The following TNS1 variants were observed in gnomAD, a reference collection of about 807,000 sequenced individuals.
TNS1 encodes the protein tensin 1, also known as tensin-1.
A neutral mutation model predicts 168.6 loss-of-function variants in TNS1; 62 were observed. The observed-to-expected ratio is 0.37, with a 90% CI of 0.30 to 0.45. TNS1 has a LOEUF of 0.45. TNS1 is among the 20% of genes least tolerant of loss of function. The pLI is 1.00. For synonymous variants in TNS1, 934 were observed against 933.2 expected (o/e 1.00, Z -0.02); for missense variants, 2,240 against 2,339.4 (o/e 0.96, Z 0.88).
intron 3 of TNS1, among the ~76,000 whole-genome samples, chr2:217,967,681 C>G (rs537313069): frequency 6.6e-6 from 1 of 152,124 alleles, no homozygotes; most frequent in East Asian, 1.9e-4. Context: ...AAAAACTACA[C>G]GCAAAGAAAA....
At chr2:217,978,609 G>T (rs1957952941) in intron 3 of TNS1, 156 bp downstream of exon 3, 1 of 236,552 alleles carries the variant, frequency 4.2e-6, no homozygotes, top group African/African-American at 2.7e-5. Flanking sequence ...CTTGACCTGC[G>T]CCCGCTCCCA....
At chr2:217,810,451 G>T in intron 28 of TNS1, 132 bp from the exon 29 acceptor site, 2 of 806,860 alleles carry the variant, frequency 2.5e-6, no homozygotes, top group Non-Finnish European at 4.1e-6. Context: ...CTGGCAGTCA[G>T]CCCTGAGTTA....
chr2:217,850,456 G>A, intron 18 of TNS1: 1 of 985,282 alleles, frequency 1.0e-6, no homozygotes, highest in Non-Finnish European at 1.2e-6. Context: ...TTCTCTGGAA[G>A]GAAAAAGTGA....
Position 217,998,039 on chromosome 2 carries a change from G to A in TNS1, c.33+4801C>T, listed in dbSNP as rs1426278108. Among the ~76,000 whole-genome samples the A allele has an allele frequency of 4.3e-4, 66 of 152,212 alleles. 2 individuals carry two copies. Among genetic ancestry groups the A allele is most frequent in the Admixed American group, 4.3e-3 (66 of 15,284 alleles). ...CACTTGTTACAAGCCAAGACACCAG[G>A]TGACCAGGTACTGTCATCTTCTGGC... On this transcript the variant is annotated intron_variant, in intron 1 of 32. Transcript: ENST00000682258.
chr2:218,010,372 T>G, exon 1 of TNS1: 2 of 383,886 alleles, frequency 5.2e-6, no homozygotes, highest in East Asian at 3.7e-5. Flanking sequence ...CTGCCCCCTC[T>G]AGCGGGAGGA....
chr2:217,852,681 C>A (rs1175772770), intron 18 of TNS1, among the ~76,000 whole-genome samples: 1 of 152,206 alleles, frequency 6.6e-6, no homozygotes, highest in Non-Finnish European at 1.5e-5. Flanking sequence ...CACTCAGCAT[C>A]GATTTTGAAA....
At chr2:217,808,507 G>A (rs1207197742) in intron 31 of TNS1, 96 bp downstream of exon 31, 65 of 1,020,388 alleles carry the variant, frequency 6.4e-5, no homozygotes, top group Non-Finnish European at 8.8e-5. Context: ...GTATGCACAT[G>A]CACACACACA....
intron 3 of TNS1, among the ~76,000 whole-genome samples, chr2:217,926,260 G>A (rs1181657127): frequency 2.0e-5 from 3 of 152,128 alleles, no homozygotes; most frequent in Non-Finnish European, 4.4e-5. Flanking sequence ...TAAGTCACCC[G>A]GCGTATGGTA....
intron 32 of TNS1, among the ~76,000 whole-genome samples, chr2:217,805,865 A>C: frequency 7.7e-6 from 1 of 129,932 alleles, no homozygotes; most frequent in Admixed American, 8.0e-5. Context: ...ACAACACGCA[A>C]ACACAACATA....
chr2:217,899,000 C>T (rs985666159), intron 7 of TNS1, among the ~76,000 whole-genome samples: 1 of 152,232 alleles, frequency 6.6e-6, no homozygotes, highest in Non-Finnish European at 1.5e-5. Context: ...TTTCATTCTG[C>T]TAACCTTTCA....
chr2:217,830,239 C>G (rs10165160), intron 22 of TNS1: 415,793 of 1,228,686 alleles, frequency 0.34, 70,988 homozygotes, highest in Middle Eastern at 0.43. Context: ...TGGTGAGAGG[C>G]AGCCCCCAGC....
chr2:217,982,815 G>A (rs1958088832), intron 2 of TNS1, among the ~76,000 whole-genome samples: 1 of 152,158 alleles, frequency 6.6e-6, no homozygotes, highest in South Asian at 2.1e-4. Context: ...CAGATGCTGG[G>A]AACCAAGGCC....
intron 12 of TNS1, chr2:217,890,185 T>A (rs769306769): frequency 1.3e-5 from 2 of 152,210 alleles, no homozygotes; most frequent in Admixed American, 6.5e-5. Flanking sequence ...TAGGCTCAAA[T>A]TCACCCCCTC....
chr2:217,905,940 G>A (rs1953628349), intron 6 of TNS1, among the ~76,000 whole-genome samples: 1 of 152,196 alleles, frequency 6.6e-6, no homozygotes, highest in Admixed American at 6.5e-5. Flanking sequence ...TGTCTCCAGG[G>A]AAGCACTACC....
intron 18 of TNS1, chr2:217,859,417 T>C (rs1948571003): frequency 1.9e-6 from 1 of 517,574 alleles, no homozygotes; most frequent in African/African-American, 1.9e-5. Flanking sequence ...TTCCTTGGCT[T>C]GGAAAAGGAA....
chr2:217,933,245 C>A (rs1956417607), intron 3 of TNS1, among the ~76,000 whole-genome samples: 1 of 152,142 alleles, frequency 6.6e-6, no homozygotes, highest in Non-Finnish European at 1.5e-5. Context: ...AGGAGGAGGG[C>A]AAACGGAGGG....
At chr2:217,837,347 G>A (rs771313815) in intron 19 of TNS1, among the ~76,000 whole-genome samples, 2 of 152,150 alleles carry the variant, frequency 1.3e-5, no homozygotes, top group Non-Finnish European at 2.9e-5. Flanking sequence ...ACGCCCCCCA[G>A]CACCCCCAGT....
intron 18 of TNS1, among the ~76,000 whole-genome samples, chr2:217,856,918 G>A (rs1302883966): frequency 6.6e-6 from 1 of 152,152 alleles, no homozygotes; most frequent in Non-Finnish European, 1.5e-5. Context: ...CTCTAAGCAA[G>A]TGACCTCACC....
chr2:217,952,138 G>A (rs1033181795), intron 3 of TNS1, among the ~76,000 whole-genome samples: 5 of 152,180 alleles, frequency 3.3e-5, no homozygotes, highest in Admixed American at 1.3e-4. Flanking sequence ...ACAGGCGGCC[G>A]GAGGGAGAGA....
Sources: allele counts gnomAD v4.1 joint callset (sites outside exome capture counted in the v4.1 genomes callset), GRCh38; gene constraint gnomAD v4.1.1; transcripts MANE v1.5; gene names NCBI Gene and HGNC (gene_info 2026-07-23, HGNC 2026-07-21).